ZBTB45: variants seen among roughly 807,000 people sequenced by gnomAD.
The protein encoded by ZBTB45 is zinc finger and BTB domain-containing protein 45.
Under a neutral mutation model 28.4 loss-of-function variants are expected in ZBTB45, and 22 were observed. The observed-to-expected ratio is 0.77, with a 90% CI of 0.55 to 1.10. ZBTB45 has a LOEUF of 1.10. Ranked by LOEUF, ZBTB45 falls within the 50% of genes least tolerant of loss-of-function variation. ZBTB45 has a pLI of 0.00. For synonymous variants in ZBTB45, 361 were observed against 332.3 expected, an observed-to-expected ratio of 1.09 and a Z score of -0.94; for missense variants, 656 against 750.2, an observed-to-expected ratio of 0.87 and a Z score of 1.47.
chr19:58,536,585 G>A (rs2053661594), intron 1 of ZBTB45, among the ~76,000 whole-genome samples: 1 of 152,128 alleles, frequency 6.6e-6, no homozygotes, highest in Non-Finnish European at 1.5e-5. Context: ...AGAGGTTGTA[G>A]TGAGCCAAGA....
intron 1 of ZBTB45, among the ~76,000 whole-genome samples, chr19:58,538,505 G>C (rs1201047999): frequency 6.6e-6 from 1 of 152,120 alleles, no homozygotes; most frequent in Admixed American, 6.5e-5. Context: ...GATCTGGGGG[G>C]CCGCGCGCCC....
chr19:58,517,131 C>T lies in ZBTB45; in HGVS notation c.543G>A (p.Leu181=), dbSNP rs761450557. The T allele has an allele frequency of 2.5e-6, 4 of 1,612,616 alleles. No individual in the cohort carries two copies. The highest frequency in any genetic ancestry group is 2.2e-5 in the South Asian group (2 of 91,064). ...CCTTGGCAGGTGTTGGGGGCGCTGG[C>T]AGCTGCAAACGCGCGGGCTGGCGCT... ...RKQRQPARLQ[L]PAPPTPAKAE... Residue 181 remains leucine, a synonymous_variant, in exon 2 of 3, where the codon CTG becomes CTA. Transcript: ENST00000594051.
Position 58,517,292 on chromosome 19 carries a change from G to A in ZBTB45, c.382C>T (p.Pro128Ser). The stretch of plus-strand genomic sequence containing the variant: ...AGGGGCGTGGGCGCAGAGGTGCCCG[G>A]GGCTCGAGCGCGGGCGATAATCTGC... Reference protein sequence around the residue: ...CTQIIARARAPGTSAPTPLPT... With the variant: ...CTQIIARARASGTSAPTPLPT... Residue 128 changes from proline (P) to serine (S), a missense_variant, in exon 2 of 3, where the codon CCG (proline) becomes TCG (serine). Physicochemically the swap from Pro to Ser is moderately conservative, Grantham distance 74. This residue lies in a region of ZBTB45 where 448 missense variants were observed against 444.3 expected (regional missense o/e 1.01). Coordinates refer to ENST00000594051, the MANE Select transcript of ZBTB45 (RefSeq NM_001316979.2). 6.2e-7 allele frequency: 1 copy of A among 1,601,386 alleles called. No homozygotes were observed. Among genetic ancestry groups the A allele is most frequent in the Middle Eastern group, 1.7e-4 (1 of 6,040 alleles).
intron 1 of ZBTB45, among the ~76,000 whole-genome samples, chr19:58,534,096 T>C (rs1384136226): frequency 6.6e-6 from 1 of 152,190 alleles, no homozygotes; most frequent in Non-Finnish European, 1.5e-5. Flanking sequence ...TTCTTTGCTA[T>C]CACAGCTGGT....
At chr19:58,536,568 A>G (rs1357509298) in intron 1 of ZBTB45, among the ~76,000 whole-genome samples, 1 of 149,658 alleles carries the variant, frequency 6.7e-6, no homozygotes, top group Non-Finnish European at 1.5e-5. Context: ...GCTTGAACTC[A>G]GGAGGCAGAG....
intron 1 of ZBTB45, among the ~76,000 whole-genome samples, chr19:58,530,673 T>C (rs968490123): frequency 1.3e-5 from 2 of 150,870 alleles, no homozygotes; most frequent in African/African-American, 4.9e-5. Context: ...TGAACATCTG[T>C]TTTCTTTCTT....
chr19:58,520,143 A>T (rs1218003588), upstream of ZBTB45: 2 of 152,090 alleles, frequency 1.3e-5, no homozygotes, highest in African/African-American at 4.8e-5. Context: ...CCCACTGCGA[A>T]CCGGGGAAGT....
At chr19:58,521,656 G>A (rs1225665314), upstream of ZBTB45, among the ~76,000 whole-genome samples, 1 of 152,154 alleles carries the variant, frequency 6.6e-6, no homozygotes, top group African/African-American at 2.4e-5. Context: ...AATACATCTG[G>A]TGAGATCCAG....
upstream of ZBTB45, among the ~76,000 whole-genome samples, chr19:58,520,942 C>T (rs1417630256): frequency 6.7e-6 from 1 of 148,318 alleles, no homozygotes; most frequent in Non-Finnish European, 1.5e-5. Flanking sequence ...GTCCCAGCTA[C>T]TCGGGAGACT....
intron 1 of ZBTB45, among the ~76,000 whole-genome samples, chr19:58,526,895 A>G (rs1427889477): frequency 6.6e-6 from 1 of 151,824 alleles, no homozygotes; most frequent in East Asian, 1.9e-4. Context: ...CAGCATGATC[A>G]CGGCTCACTG....
Position 58,515,251 on chromosome 19 carries a change from G to A in ZBTB45, c.1280-941C>T, listed in dbSNP as rs1452575056. Among the ~76,000 whole-genome samples the A allele has an allele frequency of 6.6e-6, 1 of 151,086 alleles. No individual in the cohort carries two copies. Among genetic ancestry groups the A allele is most frequent in the African/African-American group, 2.4e-5 (1 of 40,964 alleles). On this transcript the variant is annotated intron_variant, in intron 2 of 2. Transcript: ENST00000594051. This position sits in a 1 kb window ranked among gnomAD's most constrained non-coding sequence, Gnocchi z 4.7. Reference sequence around the variant, plus strand: ...GAATCACTTGAACCCAGGAGGCAGAGGTTGCAGTGAGCCGAGATCACACCA... The same window carrying A: ...GAATCACTTGAACCCAGGAGGCAGAAGTTGCAGTGAGCCGAGATCACACCA...
chr19:58,537,911 C>A (rs1405169020), intron 1 of ZBTB45, among the ~76,000 whole-genome samples: 2 of 151,848 alleles, frequency 1.3e-5, no homozygotes, highest in Non-Finnish European at 2.9e-5. Context: ...GATCTCAGCT[C>A]ACTGCAACTT....
chr19:58,534,768 G>C (rs2053652020), intron 1 of ZBTB45, among the ~76,000 whole-genome samples: 2 of 152,048 alleles, frequency 1.3e-5, no homozygotes, highest in South Asian at 4.1e-4. Context: ...ATGTTAGCCA[G>C]GATGGTCTCA....
At position 58,514,135 on chromosome 19, in the gene ZBTB45, G is replaced by T; in HGVS notation, c.1455C>A (p.Arg485=). The part of the protein sequence containing the change: ...NVHMRTHRPE[R]APCPACGKVF... ...CCTTGCCGCAGGCGGGGCAGGGCGCGCGCTCGGGCCGGTGAGTGCGCATGT... is the reference window on the plus strand; with the variant it reads ...CCTTGCCGCAGGCGGGGCAGGGCGCTCGCTCGGGCCGGTGAGTGCGCATGT... Residue 485 remains arginine, a synonymous_variant, in exon 3 of 3, where the codon CGC becomes CGA. Coordinates refer to ENST00000594051, the MANE Select transcript of ZBTB45 (RefSeq NM_001316979.2). The T allele has an allele frequency of 1.2e-6, 2 of 1,602,166 alleles. No homozygotes were observed. The highest frequency in any genetic ancestry group is 1.7e-6 in the Non-Finnish European group (2 of 1,175,034).
chr19:58,533,348 T>C (rs1469597011), intron 1 of ZBTB45, among the ~76,000 whole-genome samples: 3 of 152,180 alleles, frequency 2.0e-5, no homozygotes, highest in African/African-American at 7.2e-5. Context: ...CAATGAAGAT[T>C]AGGGCTTCAA....
At chr19:58,535,143 T>C (rs894945934) in intron 1 of ZBTB45, among the ~76,000 whole-genome samples, 4 of 151,804 alleles carry the variant, frequency 2.6e-5, no homozygotes, top group Non-Finnish European at 5.9e-5. Flanking sequence ...AGTGTTGGGA[T>C]TACAGGTGTG....
upstream of ZBTB45, among the ~76,000 whole-genome samples, chr19:58,521,372 A>AC (rs2053577095): frequency 7.0e-6 from 1 of 141,916 alleles, no homozygotes; most frequent in Non-Finnish European, 1.6e-5. Context: ...GTCTCAAAAA[A>AC]AAAAAAAAAA....
intron 2 of ZBTB45, among the ~76,000 whole-genome samples, chr19:58,514,582 C>T (rs1325819934): frequency 1.3e-5 from 2 of 152,074 alleles, no homozygotes; most frequent in African/African-American, 2.4e-5. Context: ...GTACCCCTCT[C>T]CCATCCCTTC....
chr19:58,515,323 A>AT lies in ZBTB45; in HGVS notation c.1280-1014dup, dbSNP rs2053477976. 9.1e-6 allele frequency among the ~76,000 whole-genome samples: 1 copy of AT among 110,450 alleles called. No homozygotes were observed. The highest frequency in any genetic ancestry group is 3.0e-4 in the South Asian group (1 of 3,300). 72.5% of individuals were successfully genotyped at this position (110,450 alleles called of 152,430 possible). A position where few individuals can be genotyped will look rare whatever the true frequency, so the allele number is the denominator to read the frequency against. On this transcript the variant is annotated intron_variant, in intron 2 of 2. Transcript: ENST00000594051. This position sits in a 1 kb window ranked among gnomAD's most constrained non-coding sequence, Gnocchi z 4.7. Reference sequence around the variant, plus strand: ...AGAGGGAGACTCGGTCTCAAAAAAAATTAAAAAAAAAAAAACCCTATCTCA... The same window carrying AT: ...AGAGGGAGACTCGGTCTCAAAAAAAATTTAAAAAAAAAAAAACCCTATCTCA...
Sources: gnomAD v4.1 joint callset for allele counts (sites outside exome capture counted in the v4.1 genomes callset) on GRCh38, gnomAD v4.1.1 for gene constraint, gnomAD v4.1.1 regional missense constraint, Gnocchi (gnomAD v3.1) non-coding constraint, MANE v1.5 for transcripts, NCBI Gene and HGNC (gene_info 2026-07-23, HGNC 2026-07-21) for gene names.